The following XPOT variants were observed in gnomAD, a reference collection of about 807,000 sequenced individuals.
XPOT encodes exportin for tRNA.
A neutral mutation model predicts 128.2 loss-of-function variants in XPOT; 34 were observed. The ratio of observed to expected loss-of-function variants is 0.27; its 90% CI spans 0.20 to 0.35. The LOEUF is 0.35. Among genes scored for constraint, XPOT ranks in the 10% least tolerant of loss-of-function variants. The probability of loss-of-function intolerance (pLI) is 1.00; values close to 1 mark genes in which losing one functional copy is unlikely to be tolerated. For missense variants in XPOT, 838 were observed against 1,125.3 expected (o/e 0.74, Z 3.65); for synonymous variants, 348 against 394.3 (o/e 0.88, Z 1.39).
intron 24 of XPOT, among the ~76,000 whole-genome samples, chr12:64,445,467 A>G (rs1182702215): frequency 2.6e-5 from 4 of 152,242 alleles, no homozygotes; most frequent in Non-Finnish European, 5.9e-5. Flanking sequence ...CTTATATCCT[A>G]TTTTGAAACA....
At chr12:64,441,660 A>G (rs1218464185) in intron 23 of XPOT, among the ~76,000 whole-genome samples, 1 of 152,100 alleles carries the variant, frequency 6.6e-6, no homozygotes, top group Non-Finnish European at 1.5e-5. Context: ...TGGAATGATT[A>G]AGAAGCTTTT....
At position 64,410,213 on chromosome 12, in the gene XPOT, A is replaced by C. The variant is rs1049314467; in HGVS notation, c.60+118A>C. 5 of 821,238 alleles carry C rather than the reference A, an allele frequency of 6.1e-6. No individual in the cohort carries two copies. In the African/African-American group the frequency reaches 8.6e-5, roughly 14 times the overall value. 50.9% of individuals were successfully genotyped at this position (821,238 alleles called of 1,614,324 possible). On this transcript the variant is annotated intron_variant, in intron 2 of 24. Coordinates refer to ENST00000332707, the MANE Select transcript of XPOT (RefSeq NM_007235.6). ...TGGGTAGAAATGAACAGAAACAAAA[A>C]AATTTGAGGTATTTGAATATATTTT...
chr12:64,415,122 AC>A, intron 3 of XPOT, 133 bp downstream of exon 3: 1 of 605,870 alleles, frequency 1.7e-6, no homozygotes, highest in Non-Finnish European at 2.9e-6. Flanking sequence ...AAAGCCATTA[AC>A]ATATAGTCAT....
intron 2 of XPOT, among the ~76,000 whole-genome samples, chr12:64,414,195 G>A (rs1052399273): frequency 6.6e-6 from 1 of 152,198 alleles, no homozygotes; most frequent in East Asian, 1.9e-4. Context: ...GGTAGAGAGC[G>A]TATGGACTTG....
chr12:64,430,314 A>G (rs1268735905), intron 17 of XPOT, 27 bp downstream of exon 17: 2 of 1,518,240 alleles, frequency 1.3e-6, no homozygotes, highest in African/African-American at 1.4e-5. Context: ...TTAAAATTAT[A>G]AAGTGCATGT....
chr12:64,415,097 T>A, intron 3 of XPOT, 108 bp downstream of exon 3: 1 of 512,030 alleles, frequency 2.0e-6, no homozygotes, highest in Non-Finnish European at 3.3e-6. Flanking sequence ...TTTTATGACT[T>A]TTTTTTTTTT....
Position 64,420,091 on chromosome 12 carries a change from A to G in XPOT, c.511A>G (p.Ile171Val), listed in dbSNP as rs765148371. The change falls in exon 7 of 25, where the codon ATA becomes GTA. Residue 171 changes from isoleucine to valine, a missense_variant. Ile to Val is a conservative substitution (Grantham distance 29). Around this residue, in one of 3 missense-constraint regions of XPOT, gnomAD observed 761 missense variants for 988.3 expected, o/e 0.77. Coordinates refer to ENST00000332707, the MANE Select transcript of XPOT (RefSeq NM_007235.6). ...TSEEARRNTL[I>V]KDTMREQCIP... ...TTAGGAGGCTCGTAGGAATACTCTC[A>G]TAAAAGATACCATGAGGGAACAGTG... 1.3e-6 allele frequency: 2 copies of G among 1,584,148 alleles called. No homozygotes were observed. Among genetic ancestry groups the G allele is most frequent in the South Asian group, 1.2e-5 (1 of 84,856 alleles).
At chr12:64,440,832 TTA>T (rs1371317054) in intron 23 of XPOT, among the ~76,000 whole-genome samples, 3 of 152,192 alleles carry the variant, frequency 2.0e-5, no homozygotes, top group Admixed American at 6.5e-5. Context: ...AGGAGTTTTT[TTA>T]TATGTTAGAA....
intron 16 of XPOT, among the ~76,000 whole-genome samples, chr12:64,428,560 G>T (rs1173275493): frequency 6.6e-6 from 1 of 151,394 alleles, no homozygotes; most frequent in Non-Finnish European, 1.5e-5. Flanking sequence ...CAGGCTTAGG[G>T]TAAAAAAAAA....
At chr12:64,446,520 T>C (rs757767904) in intron 24 of XPOT, among the ~76,000 whole-genome samples, 8 of 152,218 alleles carry the variant, frequency 5.3e-5, no homozygotes, top group Non-Finnish European at 8.8e-5. Context: ...TCTCTTGTTC[T>C]AGCCAGGCTG....
At chr12:64,426,012 G>A (rs1169726920) in intron 15 of XPOT, 103 bp downstream of exon 15, 27 of 1,072,172 alleles carry the variant, frequency 2.5e-5, no homozygotes, top group Admixed American at 3.6e-5. Context: ...GCCCATCAGT[G>A]GTGGATTAGA....
intron 1 of XPOT, among the ~76,000 whole-genome samples, chr12:64,408,990 A>G (rs1449429565): frequency 1.3e-5 from 2 of 150,848 alleles, no homozygotes; most frequent in Non-Finnish European, 1.5e-5. Flanking sequence ...GGGTTTTTGT[A>G]TCTACTATTG....
chr12:64,417,400 T>C (rs1405360557), intron 4 of XPOT, among the ~76,000 whole-genome samples: 1 of 152,070 alleles, frequency 6.6e-6, no homozygotes, highest in African/African-American at 2.4e-5. Flanking sequence ...TTTAAAAAAT[T>C]AGCCAGGCAT....
intron 2 of XPOT, among the ~76,000 whole-genome samples, chr12:64,413,703 T>C (rs1254340267): frequency 6.6e-6 from 1 of 152,200 alleles, no homozygotes; most frequent in Non-Finnish European, 1.5e-5. Context: ...ACAGTGGCTT[T>C]GATCTGTAAC....
chr12:64,406,259 A>T (rs892957874), intron 1 of XPOT, among the ~76,000 whole-genome samples: 1 of 151,278 alleles, frequency 6.6e-6, no homozygotes, highest in African/African-American at 2.4e-5. Context: ...TATTTTTAGT[A>T]GAGACGGCGT....
chr12:64,435,011 TAACTTAGTGA>T, intron 21 of XPOT, 102 bp downstream of exon 21: 1 of 980,538 alleles, frequency 1.0e-6, no homozygotes, highest in Non-Finnish European at 1.5e-6. Context: ...ATTTTTTTTT[TAACTTAGTGA>T]TTTCAGATCA....
chr12:64,421,352 G>A lies in XPOT; in HGVS notation c.961G>A (p.Ala321Thr). 6.2e-7 allele frequency: 1 copy of A among 1,613,522 alleles called. No individual in the cohort carries two copies. Among genetic ancestry groups the A allele is most frequent in the South Asian group, 1.1e-5 (1 of 91,052 alleles). The change falls in exon 9 of 25, where the codon GCA becomes ACA. Residue 321 changes from alanine to threonine, a missense_variant. This residue lies in a region of XPOT where 761 missense variants were observed against 988.3 expected (regional missense o/e 0.77). Transcript: ENST00000332707. ...KNGDIKNAQE[A>T]LQAIETKVAL... ...TGGGGATATTAAGAATGCTCAAGAG[G>A]CACTACAAGCTATTGAAACAAAAGT...
intron 2 of XPOT, among the ~76,000 whole-genome samples, chr12:64,410,354 A>G (rs537605824): frequency 6.6e-6 from 1 of 152,342 alleles, no homozygotes; most frequent in African/African-American, 2.4e-5. Context: ...ATTATTTCTA[A>G]TTATTTAAAA....
At chr12:64,441,531 C>G (rs944964723) in intron 23 of XPOT, among the ~76,000 whole-genome samples, 1 of 152,140 alleles carries the variant, frequency 6.6e-6, no homozygotes, top group African/African-American at 2.4e-5. Flanking sequence ...TTTGGCTATT[C>G]AGGGCCTTTT....
Sources: allele counts gnomAD v4.1 joint callset (sites outside exome capture counted in the v4.1 genomes callset), GRCh38; gene constraint gnomAD v4.1.1; regional missense constraint gnomAD v4.1.1; transcripts MANE v1.5; gene names NCBI Gene and HGNC (gene_info 2026-07-23, HGNC 2026-07-21).